The following EFCC1 variants were observed in gnomAD, a reference collection of about 807,000 sequenced individuals.
EFCC1 encodes EF-hand and coiled-coil domain containing 1.
A neutral mutation model predicts 52.1 loss-of-function variants in EFCC1; 50 were observed. That is an observed-to-expected ratio of 0.96 (90% CI 0.76 to 1.21). EFCC1 has a LOEUF of 1.21. Among genes scored for constraint, EFCC1 ranks in the 50% most tolerant of loss-of-function variants. EFCC1 has a pLI of 0.00. For missense variants in EFCC1, 837 were observed against 867.3 expected (o/e 0.97, Z 0.44); for synonymous variants, 399 against 396.5 (o/e 1.01, Z -0.08).
chr3:129,032,007 G>C (rs996456908), intron 3 of EFCC1, among the ~76,000 whole-genome samples: 1 of 152,130 alleles, frequency 6.6e-6, no homozygotes, highest in Non-Finnish European at 1.5e-5. Flanking sequence ...CCCTGGGGAC[G>C]GGGATGGGGA....
Position 129,014,229 on chromosome 3 carries a change from C to T in EFCC1, c.980+10152C>T, listed in dbSNP as rs866477417. Among the ~76,000 whole-genome samples, 9 of 152,332 alleles carry T rather than the reference C, an allele frequency of 5.9e-5. No individual in the cohort carries two copies. The highest frequency in any genetic ancestry group is 7.3e-5 in the Non-Finnish European group (5 of 68,028). ...TGCCCTCGTGGACCAACTCTCAGTG[C>T]GTTACGCTGTTGACCACCAGTAACT... On this transcript the variant is annotated intron_variant, in intron 2 of 7. Transcript: ENST00000683648. The surrounding 1 kb of genome is among the most constrained non-coding windows in gnomAD (Gnocchi z 4.3).
intron 1 of EFCC1, chr3:129,003,429 G>C (rs1463658785): frequency 5.7e-6 from 2 of 353,692 alleles, no homozygotes; most frequent in Admixed American, 1.3e-4. Context: ...GGGAGTCTAG[G>C]AGATGAGGAA....
At position 129,033,362 on chromosome 3, in the gene EFCC1, C is replaced by A. The variant is rs1232052617; in HGVS notation, c.1286+396C>A. The stretch of plus-strand genomic sequence containing the variant: ...TCCCTGTTTCATCCTCACCTCCACC[C>A]CCATGGGGACCGAGGACAGGCCCAG... On this transcript the variant is annotated intron_variant, in intron 4 of 7. Transcript: ENST00000683648. 2.0e-5 allele frequency among the ~76,000 whole-genome samples: 3 copies of A among 152,166 alleles called. No individual in the cohort carries two copies. In the East Asian group the frequency reaches 5.8e-4, roughly 29 times the overall value.
chr3:129,020,110 T>C (rs910136635), intron 2 of EFCC1, among the ~76,000 whole-genome samples: 1 of 152,134 alleles, frequency 6.6e-6, no homozygotes, highest in African/African-American at 2.4e-5. Context: ...GGTTACCATA[T>C]TGGACGATGC....
intron 2 of EFCC1, among the ~76,000 whole-genome samples, chr3:129,016,159 C>T (rs1945573627): frequency 6.6e-6 from 1 of 152,166 alleles, no homozygotes; most frequent in Non-Finnish European, 1.5e-5. Flanking sequence ...CTTGACCGCT[C>T]CCTTGGTTAC....
At chr3:129,039,605 G>C in intron 7 of EFCC1, 107 bp from the exon 8 acceptor site, 1 of 1,481,770 alleles carries the variant, frequency 6.7e-7, no homozygotes, top group Non-Finnish European at 9.0e-7. Flanking sequence ...GGCTGGGGAG[G>C]GGCACAGCGG....
intron 2 of EFCC1, among the ~76,000 whole-genome samples, chr3:129,026,986 A>G (rs1253382188): frequency 1.3e-5 from 2 of 152,160 alleles, no homozygotes; most frequent in East Asian, 3.9e-4. Flanking sequence ...CAGCAGCTCA[A>G]CTGATGTTAC....
At position 129,001,492 on chromosome 3, in the gene EFCC1, A is replaced by T; in HGVS notation, c.-137A>T. ...ACTGTGAGGCCAGCGCAGCTGCTGG[A>T]CACGGTCCCCGGCGCCGCTCCAACC... On this transcript the variant is annotated 5_prime_UTR_variant, in exon 1 of 8. Transcript: ENST00000683648. 7.8e-7 allele frequency: 1 copy of T among 1,277,790 alleles called. No individual in the cohort carries two copies. The highest frequency in any genetic ancestry group is 1.0e-6 in the Non-Finnish European group (1 of 1,002,662). 79.2% of individuals were successfully genotyped at this position (1,277,790 alleles called of 1,614,324 possible). A position where few individuals can be genotyped will look rare whatever the true frequency, so the allele number is the denominator to read the frequency against.
Position 129,001,802 on chromosome 3 carries a change from C to A in EFCC1, c.174C>A (p.Tyr58Ter). 6.5e-7 allele frequency: 1 copy of A among 1,545,264 alleles called. No individual in the cohort carries two copies. The highest frequency in any genetic ancestry group is 8.7e-7 in the Non-Finnish European group (1 of 1,145,814). The part of the protein sequence containing the change: ...IVVLATGLDQ[Y>*]LQEVFHHLDC... Reference sequence around the variant, plus strand: ...TGCTGGCCACCGGCCTGGACCAGTACCTGCAGGAGGTCTTCCACCACCTGG... The same window carrying A: ...TGCTGGCCACCGGCCTGGACCAGTAACTGCAGGAGGTCTTCCACCACCTGG... Residue 58 changes from tyrosine (Y) to a stop codon, truncating the protein, a stop_gained, in exon 1 of 8, where the codon TAC becomes TAA. Transcript: ENST00000683648. LOFTEE classifies it high-confidence loss of function.
intron 2 of EFCC1, among the ~76,000 whole-genome samples, chr3:129,021,813 T>C (rs1423620568): frequency 6.6e-6 from 1 of 152,250 alleles, no homozygotes; most frequent in African/African-American, 2.4e-5. Context: ...AGTATTTACA[T>C]ATTGAAATGT....
chr3:129,039,587 C>A, intron 7 of EFCC1, 125 bp from the exon 8 acceptor site: 1 of 1,421,570 alleles, frequency 7.0e-7, no homozygotes, highest in South Asian at 1.4e-5. Flanking sequence ...AGCGAGGAAG[C>A]TGGGCAGGGC....
chr3:129,020,337 C>G (rs6789166), intron 2 of EFCC1, among the ~76,000 whole-genome samples: 6,954 of 152,150 alleles, frequency 0.046, 473 homozygotes, highest in African/African-American at 0.15. Context: ...TGACTTACTC[C>G]CATTTAAAAG....
At chr3:129,012,811 G>A (rs1945388133) in intron 2 of EFCC1, among the ~76,000 whole-genome samples, 1 of 152,206 alleles carries the variant, frequency 6.6e-6, no homozygotes, top group African/African-American at 2.4e-5. Context: ...CCTTAGAAGT[G>A]AAAATTCAAG....
chr3:129,002,370 C>T (rs1944830933), intron 1 of EFCC1, 46 bp downstream of exon 1: 1 of 1,485,824 alleles, frequency 6.7e-7, no homozygotes, highest in Non-Finnish European at 8.9e-7. Flanking sequence ...CGGGAGAGGG[C>T]TCGAACTAAA....
chr3:129,039,204 G>A (rs1946393826), intron 7 of EFCC1, among the ~76,000 whole-genome samples: 1 of 152,212 alleles, frequency 6.6e-6, no homozygotes, highest in Admixed American at 6.5e-5. Context: ...GGCCCTAGAA[G>A]GAATGAGTTG....
At chr3:129,011,656 G>T (rs927439892) in intron 2 of EFCC1, among the ~76,000 whole-genome samples, 1 of 152,182 alleles carries the variant, frequency 6.6e-6, no homozygotes, top group Non-Finnish European at 1.5e-5. Flanking sequence ...TGAAAAGCAA[G>T]GAGGCAGAGG....
chr3:129,008,844 C>T (rs1311094783), intron 2 of EFCC1, among the ~76,000 whole-genome samples: 1 of 152,158 alleles, frequency 6.6e-6, no homozygotes, highest in Non-Finnish European at 1.5e-5. Context: ...GCTCCTGGTC[C>T]CCTCGCAGCC....
At chr3:129,008,986 T>C (rs1304299408) in intron 2 of EFCC1, among the ~76,000 whole-genome samples, 1 of 131,182 alleles carries the variant, frequency 7.6e-6, no homozygotes, top group Non-Finnish European at 1.6e-5. Context: ...TTATGCATAG[T>C]AGACATTACT....
Position 129,034,173 on chromosome 3 carries a change from C to T in EFCC1, c.1296C>T (p.Asp432=), listed in dbSNP as rs771668553. The part of the protein sequence containing the change: ...RLSSCRGRCD[D]QTAEKLMTYF... ...CTCTCCTTTGCTGCAGGTGTGATGA[C>T]CAGACGGCGGAGAAGCTCATGACTT... Residue 432 remains aspartate, a synonymous_variant, in exon 5 of 8, where the codon GAC becomes GAT. Transcript: ENST00000683648. 15 of 1,614,098 alleles carry T rather than the reference C, an allele frequency of 9.3e-6. No individual in the cohort carries two copies. The African/African-American group carries it at 1.7e-4, about 19-fold the overall frequency.
Sources: allele counts gnomAD v4.1 joint callset (sites outside exome capture counted in the v4.1 genomes callset), GRCh38; gene constraint gnomAD v4.1.1; non-coding constraint Gnocchi (gnomAD v3.1); transcripts MANE v1.5; gene names NCBI Gene and HGNC (gene_info 2026-07-23, HGNC 2026-07-21).